The following ASCC3 variants were observed in gnomAD, a reference collection of about 807,000 sequenced individuals.
ASCC3 encodes activating signal cointegrator 1 complex subunit 3, also known as ASC-1 complex subunit P200.
Under a neutral mutation model 256.3 loss-of-function variants are expected in ASCC3, and 158 were observed. The observed-to-expected ratio is 0.62, with a 90% CI of 0.54 to 0.70. ASCC3 has a LOEUF of 0.70. Ranked by LOEUF, ASCC3 falls within the 30% of genes least tolerant of loss-of-function variation. The pLI, the probability that ASCC3 is intolerant of heterozygous loss-of-function variation, is 0.00. For synonymous variants in ASCC3, 948 were observed against 883.4 expected, an observed-to-expected ratio of 1.07 and a Z score of -1.30; for missense variants, 2,259 against 2,626.0, an observed-to-expected ratio of 0.86 and a Z score of 3.05.
At chr6:100,778,784 C>T (rs1782314851) in intron 8 of ASCC3, among the ~76,000 whole-genome samples, 1 of 152,030 alleles carries the variant, frequency 6.6e-6, no homozygotes, top group African/African-American at 2.4e-5. Context: ...ACTTGGTGTT[C>T]CAAATGTAAT....
At chr6:100,634,833 C>T (rs1323868804) in intron 25 of ASCC3, among the ~76,000 whole-genome samples, 1 of 126,922 alleles carries the variant, frequency 7.9e-6, no homozygotes, top group Non-Finnish European at 1.6e-5. Flanking sequence ...CCAGTCTGGG[C>T]AACACAGCGA....
At chr6:100,766,471 T>C in intron 10 of ASCC3, 94 bp downstream of exon 10, 1 of 1,235,528 alleles carries the variant, frequency 8.1e-7, no homozygotes. Context: ...TTGTATTATG[T>C]ATTCTAGTTA....
At chr6:100,649,017 C>A (rs958975805) in intron 20 of ASCC3, among the ~76,000 whole-genome samples, 2 of 151,716 alleles carry the variant, frequency 1.3e-5, no homozygotes, top group African/African-American at 4.8e-5. Context: ...AAGAAAATAT[C>A]ATTTTACAGA....
At chr6:100,791,108 A>G (rs576385576) in intron 8 of ASCC3, among the ~76,000 whole-genome samples, 2 of 151,950 alleles carry the variant, frequency 1.3e-5, no homozygotes, top group African/African-American at 4.8e-5. Flanking sequence ...AAAATTTCTT[A>G]TTTATAATTT....
At chr6:100,853,896 T>C (rs1483774544) in intron 3 of ASCC3, among the ~76,000 whole-genome samples, 1 of 152,162 alleles carries the variant, frequency 6.6e-6, no homozygotes, top group African/African-American at 2.4e-5. Flanking sequence ...TACAGGACCT[T>C]ACCTACAACA....
chr6:100,825,888 T>G (rs1771281636), intron 4 of ASCC3, among the ~76,000 whole-genome samples: 1 of 151,846 alleles, frequency 6.6e-6, no homozygotes, highest in Non-Finnish European at 1.5e-5. Context: ...TTCTGCTTGA[T>G]TGACTCGGCT....
chr6:100,691,346 T>TGAATGA (rs1777839377), intron 13 of ASCC3, among the ~76,000 whole-genome samples: 1 of 151,990 alleles, frequency 6.6e-6, no homozygotes, highest in African/African-American at 2.4e-5. Flanking sequence ...TGAATGCATT[T>TGAATGA]CTCCTTTACT....
chr6:100,858,103 G>A (rs1773045667), intron 3 of ASCC3: 1 of 333,926 alleles, frequency 3.0e-6, no homozygotes, highest in South Asian at 1.2e-4. Context: ...CGTATTTGAT[G>A]TTTATGATGC....
In ASCC3 at chr6:100,516,933, C is replaced by T. The variant is rs79381724; in HGVS notation, c.5928-606G>A. On this transcript the variant is annotated intron_variant, in intron 38 of 41. Transcript: ENST00000369162. ...GCTACCATAGCAGACCTGTGTGCTA[C>T]GTGTGGTAGTACCCTAATGTGCGTT... is the stretch of plus-strand genomic sequence containing the variant. 2.0e-3 allele frequency among the ~76,000 whole-genome samples: 308 copies of T among 152,100 alleles called. 11 individuals carry two copies. The East Asian group carries it at 0.055, about 27-fold the overall frequency.
rs142451707 is a variant in ASCC3, at chr6:100,861,683, A to G, written c.241+2381T>C. On this transcript the variant is annotated intron_variant, in intron 3 of 41. Transcript: ENST00000369162. ...AGAATTTGCCTACATCCAACTTAAG[A>G]TTTTATTTGTCTGAGAAATATTCTT... Among the ~76,000 whole-genome samples the G allele has an allele frequency of 2.0e-4, 31 of 152,240 alleles. No individual in the cohort carries two copies. The East Asian group carries it at 5.0e-3, about 25-fold the overall frequency.
chr6:100,681,341 G>A (rs543009102), intron 13 of ASCC3, among the ~76,000 whole-genome samples: 35 of 152,228 alleles, frequency 2.3e-4, no homozygotes, highest in African/African-American at 8.2e-4. Flanking sequence ...CAGCTAATTA[G>A]TTACCAAGGG....
intron 11 of ASCC3, among the ~76,000 whole-genome samples, chr6:100,722,432 C>T (rs968350785): frequency 6.6e-6 from 1 of 151,522 alleles, no homozygotes; most frequent in Non-Finnish European, 1.5e-5. Flanking sequence ...CACATGTACC[C>T]CTGAATCTAA....
chr6:100,696,849 T>A (rs1778107972), intron 13 of ASCC3, among the ~76,000 whole-genome samples: 1 of 152,080 alleles, frequency 6.6e-6, no homozygotes, highest in Admixed American at 6.5e-5. Context: ...TAAAATAGGT[T>A]CAAAGGTCCT....
chr6:100,646,826 T>C (rs941194011), intron 21 of ASCC3, 57 bp from the exon 22 acceptor site: 3 of 1,543,558 alleles, frequency 1.9e-6, no homozygotes, highest in African/African-American at 2.7e-5. Context: ...AGCAATATAA[T>C]CTGACTTGTA....
At chr6:100,574,223 C>A (rs929377925) in intron 36 of ASCC3, among the ~76,000 whole-genome samples, 4 of 152,092 alleles carry the variant, frequency 2.6e-5, no homozygotes, top group African/African-American at 9.7e-5. Context: ...TAATAAATGA[C>A]AAGCTAAAAG....
At chr6:100,687,089 C>T (rs1000264813) in intron 13 of ASCC3, among the ~76,000 whole-genome samples, 2 of 149,986 alleles carry the variant, frequency 1.3e-5, no homozygotes, top group African/African-American at 4.9e-5. Flanking sequence ...CACACATACA[C>T]ACAGAGATGT....
chr6:100,564,295 A>G (rs1770117954), intron 36 of ASCC3, among the ~76,000 whole-genome samples: 1 of 152,030 alleles, frequency 6.6e-6, no homozygotes. Flanking sequence ...GAGCTACTGA[A>G]CACTAGAACT....
intron 13 of ASCC3, among the ~76,000 whole-genome samples, chr6:100,687,276 T>C (rs1777621031): frequency 6.6e-6 from 1 of 152,082 alleles, no homozygotes; most frequent in South Asian, 2.1e-4. Flanking sequence ...TGGTGGGGGA[T>C]GGGGGAAACA....
chr6:100,824,100 G>A (rs977468627), intron 4 of ASCC3, among the ~76,000 whole-genome samples: 3 of 152,104 alleles, frequency 2.0e-5, no homozygotes, highest in African/African-American at 7.2e-5. Context: ...GGTAAACTGA[G>A]GGTTTGTGAA....
Sources: allele counts gnomAD v4.1 joint callset (sites outside exome capture counted in the v4.1 genomes callset), GRCh38; gene constraint gnomAD v4.1.1; transcripts MANE v1.5; gene names NCBI Gene and HGNC (gene_info 2026-07-23, HGNC 2026-07-21).